CALCR: variants seen among roughly 807,000 people sequenced by gnomAD.
CALCR encodes calcitonin receptor.
In CALCR, 47 loss-of-function variants were observed where a neutral mutation model predicts 59.5. The observed-to-expected ratio is 0.79, with a 90% CI of 0.63 to 1.01. The LOEUF is 1.01. Ranked by LOEUF, CALCR falls within the 50% of genes least tolerant of loss-of-function variation. The pLI is 0.00. For synonymous variants in CALCR, 213 were observed against 211.3 expected, an observed-to-expected ratio of 1.01 and a Z score of -0.07; for missense variants, 566 against 597.1, an observed-to-expected ratio of 0.95 and a Z score of 0.54.
chr7:93,499,124 C>G (rs1266958028), intron 2 of CALCR, among the ~76,000 whole-genome samples: 1 of 151,562 alleles, frequency 6.6e-6, no homozygotes, highest in East Asian at 1.9e-4. Context: ...CTAATGTAAC[C>G]ATCACTAAAA....
intron 2 of CALCR, among the ~76,000 whole-genome samples, chr7:93,496,894 G>C (rs934409247): frequency 6.6e-6 from 1 of 151,616 alleles, no homozygotes; most frequent in Non-Finnish European, 1.5e-5. Flanking sequence ...TGCTGCCACA[G>C]CAAAGCCTTC....
intron 2 of CALCR, among the ~76,000 whole-genome samples, chr7:93,494,580 T>C (rs1801157480): frequency 6.6e-6 from 1 of 151,478 alleles, no homozygotes; most frequent in South Asian, 2.1e-4. Context: ...AACAAATGCC[T>C]CATGCCCAAA....
At chr7:93,482,819 G>C (rs1310959195) in intron 3 of CALCR, 3 of 533,584 alleles carry the variant, frequency 5.6e-6, no homozygotes, top group South Asian at 4.2e-5. Flanking sequence ...GTTTGAAGCT[G>C]GTTCAGTAGA....
At chr7:93,432,081 C>T (rs1299145510) in intron 13 of CALCR, among the ~76,000 whole-genome samples, 2 of 152,158 alleles carry the variant, frequency 1.3e-5, no homozygotes, top group Non-Finnish European at 2.9e-5. Context: ...TCCTTTCCTG[C>T]TTCTAGTCTA....
At chr7:93,515,134 C>T (rs1160273543) in intron 2 of CALCR, among the ~76,000 whole-genome samples, 1 of 152,034 alleles carries the variant, frequency 6.6e-6, no homozygotes. Context: ...AACTGAATTA[C>T]ACTGATCAAT....
intron 2 of CALCR, among the ~76,000 whole-genome samples, chr7:93,540,471 T>C (rs1789103385): frequency 6.6e-6 from 1 of 152,134 alleles, no homozygotes; most frequent in Admixed American, 6.6e-5. Flanking sequence ...TCCAACTATT[T>C]TGATCTTTAT....
intron 2 of CALCR, among the ~76,000 whole-genome samples, chr7:93,509,113 T>A (rs1801491183): frequency 6.6e-6 from 1 of 152,104 alleles, no homozygotes; most frequent in African/African-American, 2.4e-5. Flanking sequence ...GGTGCCATAT[T>A]GGCTCAGGTA....
intron 2 of CALCR, among the ~76,000 whole-genome samples, chr7:93,532,235 GC>G (rs1293288026): frequency 1.3e-5 from 2 of 151,964 alleles, no homozygotes; most frequent in African/African-American, 4.8e-5. Flanking sequence ...CTGTCTAAAG[GC>G]AAGTGCAACC....
chr7:93,486,196 T>C (rs368390772), intron 3 of CALCR, among the ~76,000 whole-genome samples: 9 of 151,642 alleles, frequency 5.9e-5, no homozygotes, highest in East Asian at 2.0e-4. Context: ...CAGCTCCACA[T>C]TGATTTACGT....
At chr7:93,559,936 T>C (rs1362744228) in intron 2 of CALCR, 1 of 152,108 alleles carries the variant, frequency 6.6e-6, no homozygotes, top group African/African-American at 2.4e-5. Context: ...TAATAACTGT[T>C]AAATCTTTTA....
intron 9 of CALCR, among the ~76,000 whole-genome samples, chr7:93,438,894 GT>G (rs968323739): frequency 7.9e-5 from 12 of 151,096 alleles, no homozygotes; most frequent in South Asian, 6.2e-4. Flanking sequence ...TAAACTCAAA[GT>G]GCTAGTAAAA....
In CALCR at chr7:93,475,333, G is replaced by A. The variant is rs1800644603; in HGVS notation, c.316+2225C>T. ...GAAAACTTAAAACTGTAAATTTACTGAGATAGCCACTAGACAAACCCTATT... is the reference window on the plus strand; with the variant it reads ...GAAAACTTAAAACTGTAAATTTACTAAGATAGCCACTAGACAAACCCTATT... On this transcript the variant is annotated intron_variant, in intron 5 of 13. Coordinates refer to ENST00000426151, the MANE Select transcript of CALCR (RefSeq NM_001742.4). Among the ~76,000 whole-genome samples the A allele has an allele frequency of 2.0e-5, 3 of 151,854 alleles. No individual in the cohort carries two copies. The South Asian group carries it at 6.2e-4, about 32-fold the overall frequency.
At chr7:93,507,487 A>T (rs1311688792) in intron 2 of CALCR, among the ~76,000 whole-genome samples, 2 of 152,004 alleles carry the variant, frequency 1.3e-5, no homozygotes, top group Admixed American at 6.6e-5. Flanking sequence ...TTTTCGAGAC[A>T]GCCTAGATGT....
chr7:93,471,010 G>A (rs1266965188), intron 6 of CALCR, among the ~76,000 whole-genome samples: 1 of 146,530 alleles, frequency 6.8e-6, no homozygotes, highest in Non-Finnish European at 1.5e-5. Flanking sequence ...CCACCTATGA[G>A]TGAGAATATG....
At chr7:93,513,609 T>A (rs921455071) in intron 2 of CALCR, among the ~76,000 whole-genome samples, 14 of 152,198 alleles carry the variant, frequency 9.2e-5, no homozygotes, top group African/African-American at 3.4e-4. Flanking sequence ...TACAGCTGAA[T>A]TTCTGTTATG....
At chr7:93,566,567 C>A (rs923138110) in intron 2 of CALCR, among the ~76,000 whole-genome samples, 2 of 152,136 alleles carry the variant, frequency 1.3e-5, no homozygotes, top group African/African-American at 4.8e-5. Context: ...AGTACAGCAG[C>A]AGAGAGAGCA....
intron 2 of CALCR, among the ~76,000 whole-genome samples, chr7:93,536,565 C>G (rs1295161966): frequency 6.6e-6 from 1 of 151,718 alleles, no homozygotes; most frequent in Non-Finnish European, 1.5e-5. Flanking sequence ...CATTATTATA[C>G]TTTAAGTTTA....
chr7:93,515,778 T>C lies in CALCR; in HGVS notation c.-26-28771A>G, dbSNP rs558985450. 1.1e-3 allele frequency among the ~76,000 whole-genome samples: 169 copies of C among 152,116 alleles called. 2 individuals carry two copies. In the South Asian group the frequency reaches 0.015, roughly 13 times the overall value. ...GAATTCAAAGCTGAGTAGAAAAATATGGACATGGACAATTTTGAGTCAAAA... is the reference window on the plus strand; with the variant it reads ...GAATTCAAAGCTGAGTAGAAAAATACGGACATGGACAATTTTGAGTCAAAA... On this transcript the variant is annotated intron_variant, in intron 2 of 13. Transcript: ENST00000426151.
chr7:93,553,322 A>G (rs1028459302), intron 2 of CALCR, among the ~76,000 whole-genome samples: 2 of 152,130 alleles, frequency 1.3e-5, no homozygotes, highest in Non-Finnish European at 2.9e-5. Context: ...ACAAGGGAAG[A>G]GCTGGGAGAT....
Sources: allele counts gnomAD v4.1 joint callset (sites outside exome capture counted in the v4.1 genomes callset), GRCh38; gene constraint gnomAD v4.1.1; transcripts MANE v1.5; gene names NCBI Gene and HGNC (gene_info 2026-07-23, HGNC 2026-07-21).